Variants in ZSWIM7 observed in about 807,000 individuals in gnomAD.
ZSWIM7 encodes zinc finger SWIM domain-containing protein 7.
ZSWIM7 carries 22 observed loss-of-function variants against 21.1 expected under a neutral mutation model. That is an observed-to-expected ratio of 1.04 (90% confidence interval 0.74 to 1.49). ZSWIM7 has a LOEUF of 1.49. Among genes scored for constraint, ZSWIM7 ranks in the 40% most tolerant of loss-of-function variants. The pLI, the probability that ZSWIM7 is intolerant of heterozygous loss-of-function variation, is 0.00. For synonymous variants in ZSWIM7, 67 were observed against 66.5 expected (o/e 1.01, Z -0.04); for missense variants, 193 against 168.0 (o/e 1.15, Z -0.82).
At chr17:15,980,550 A>T (rs1970343932) in intron 4 of ZSWIM7, among the ~76,000 whole-genome samples, 1 of 152,148 alleles carries the variant, frequency 6.6e-6, no homozygotes, top group African/African-American at 2.4e-5. Context: ...GGTGTGTGTG[A>T]GTATGTCCTG....
intron 2 of ZSWIM7, among the ~76,000 whole-genome samples, chr17:15,992,457 G>A (rs1190491069): frequency 3.5e-5 from 1 of 28,426 alleles, no homozygotes; most frequent in African/African-American, 1.9e-4. Flanking sequence ...TTTTTTTTTT[G>A]AGATAGAGTT....
intron 4 of ZSWIM7, among the ~76,000 whole-genome samples, chr17:15,979,590 C>T (rs1342829441): frequency 6.6e-6 from 1 of 150,754 alleles, no homozygotes; most frequent in Non-Finnish European, 1.5e-5. Context: ...CCTCACCTCC[C>T]GGACGAGGCG....
At position 15,991,933 on chromosome 17, in the gene ZSWIM7, GTTTTT is replaced by G. The variant is rs1337184322; in HGVS notation, c.98+1819_98+1823del. On this transcript the variant is annotated intron_variant, in intron 2 of 4. Transcript: ENST00000399277. ...TTTTTTGTTTGTTTTGTTTTGTTTT[GTTTTT>G]TTTTTGAGACAGAGTCTTGCCTCTG... 7.3e-3 allele frequency among the ~76,000 whole-genome samples: 998 copies of G among 137,164 alleles called. 18 individuals are homozygous for G. The highest frequency in any genetic ancestry group is 0.029 in the African/African-American group (961 of 33,714). 90.0% of individuals were successfully genotyped at this position (137,164 alleles called of 152,430 possible).
At chr17:15,992,240 G>A (rs921773309) in intron 2 of ZSWIM7, among the ~76,000 whole-genome samples, 1 of 151,952 alleles carries the variant, frequency 6.6e-6, no homozygotes, top group Non-Finnish European at 1.5e-5. Flanking sequence ...ATTTTTAAAT[G>A]TAAGTGTGTA....
chr17:15,990,083 G>T (rs951451765), intron 2 of ZSWIM7, among the ~76,000 whole-genome samples: 2 of 152,004 alleles, frequency 1.3e-5, no homozygotes, highest in South Asian at 4.2e-4. Flanking sequence ...AGCTGGGCAC[G>T]GTAGCAGGCA....
chr17:15,998,533 T>C (rs2151635522), intron 1 of ZSWIM7, among the ~76,000 whole-genome samples: 1 of 152,328 alleles, frequency 6.6e-6, no homozygotes, highest in South Asian at 2.1e-4. Flanking sequence ...TTTTACATCC[T>C]AAGAGTAGTT....
At chr17:15,999,202 CG>C (rs898911876) in intron 1 of ZSWIM7, among the ~76,000 whole-genome samples, 24 of 152,218 alleles carry the variant, frequency 1.6e-4, no homozygotes, top group Non-Finnish European at 2.9e-4. Flanking sequence ...CTTCCACCCC[CG>C]GGCGGGGACC....
chr17:15,981,674 C>T lies in ZSWIM7; in HGVS notation c.202-530G>A, dbSNP rs149325916. On this transcript the variant is annotated intron_variant, in intron 3 of 4. Transcript: ENST00000399277. ...CTGTAATCCCAGCACTTTGGGAGGT[C>T]GAGGTGGGAGGATCACTTGACCCCC... is the stretch of plus-strand genomic sequence containing the variant. Among the ~76,000 whole-genome samples, 707 of 151,932 alleles carry T rather than the reference C, an allele frequency of 4.7e-3. 5 individuals carry two copies. Among genetic ancestry groups the T allele is most frequent in the African/African-American group, 0.017 (687 of 41,436 alleles).
intron 2 of ZSWIM7, among the ~76,000 whole-genome samples, chr17:15,992,739 A>G (rs536191323): frequency 9.6e-4 from 146 of 152,258 alleles, no homozygotes; most frequent in Non-Finnish European, 1.4e-3. Flanking sequence ...GCGCCCGGCC[A>G]ACAGCCACAA....
rs538910166 is a variant in ZSWIM7 at position 15,985,346 on chromosome 17, G to A, written c.201+1920C>T. Among the ~76,000 whole-genome samples, 51 of 151,662 alleles carry A rather than the reference G, an allele frequency of 3.4e-4. 1 individual carries two copies. Among genetic ancestry groups the A allele is most frequent in the African/African-American group, 1.1e-3 (44 of 41,408 alleles). The stretch of plus-strand genomic sequence containing the variant: ...ATTATAGAAAACAACTCAGGTGTCA[G>A]CAACATAACAATGACTTTAGAATTA... On this transcript the variant is annotated intron_variant, in intron 3 of 4. Transcript: ENST00000399277.
At position 15,978,174 on chromosome 17, in the gene ZSWIM7, A is replaced by G; in HGVS notation, c.307-11T>C. On this transcript the variant is annotated splice_polypyrimidine_tract_variant and intron_variant, in intron 4 of 4. Coordinates refer to ENST00000399277, the MANE Select transcript of ZSWIM7 (RefSeq NM_001042697.2). ...CAAGAGATGCTTGCACTGGAATATA[A>G]AACACACACACCTATTAGAAACAGG... 6.3e-7 allele frequency: 1 copy of G among 1,599,848 alleles called. No individual in the cohort carries two copies.
chr17:15,978,299 TC>T (rs1385339707), intron 4 of ZSWIM7, 136 bp from the exon 5 acceptor site: 54 of 677,762 alleles, frequency 8.0e-5, no homozygotes, highest in Admixed American at 1.3e-4. Context: ...TAACTGATTG[TC>T]TAAAAAGTGC....
chr17:15,983,137 G>A (rs958181032), intron 3 of ZSWIM7, among the ~76,000 whole-genome samples: 5 of 151,762 alleles, frequency 3.3e-5, no homozygotes, highest in Admixed American at 2.0e-4. Context: ...ATGAGGTCAG[G>A]AGTTCAAGAC....
At chr17:15,993,630 TGCTGGGATTATAG>T in intron 2 of ZSWIM7, 114 bp downstream of exon 2, 1 of 696,938 alleles carries the variant, frequency 1.4e-6, no homozygotes, top group Non-Finnish European at 2.4e-6. Flanking sequence ...CCTCCCAAAG[TGCTGGGATTATAG>T]GCGTGAGCCA....
At chr17:15,981,756 A>G (rs1280736731) in intron 3 of ZSWIM7, among the ~76,000 whole-genome samples, 3 of 152,156 alleles carry the variant, frequency 2.0e-5, no homozygotes, top group Non-Finnish European at 4.4e-5. Context: ...TATAGAAAAA[A>G]AAATTTTTTT....
chr17:15,982,328 A>G (rs1411346073), intron 3 of ZSWIM7, among the ~76,000 whole-genome samples: 1 of 152,178 alleles, frequency 6.6e-6, no homozygotes, highest in Non-Finnish European at 1.5e-5. Flanking sequence ...GCGTAAGATT[A>G]TTATTAGTAT....
intron 4 of ZSWIM7, among the ~76,000 whole-genome samples, chr17:15,978,945 CTCTT>C (rs957374681): frequency 6.6e-4 from 97 of 146,350 alleles, no homozygotes; most frequent in African/African-American, 2.1e-3. Context: ...AGGCTACTCT[CTCTT>C]TTTTTTTTTT....
intron 1 of ZSWIM7, among the ~76,000 whole-genome samples, chr17:15,997,635 T>G (rs1372138144): frequency 1.3e-5 from 2 of 152,168 alleles, no homozygotes; most frequent in Non-Finnish European, 2.9e-5. Context: ...GAAGGGTGCA[T>G]AACTATATAT....
intron 2 of ZSWIM7, among the ~76,000 whole-genome samples, chr17:15,989,622 TG>T (rs1970456970): frequency 6.6e-6 from 1 of 151,974 alleles, no homozygotes; most frequent in Non-Finnish European, 1.5e-5. Flanking sequence ...CTGGCCTTTT[TG>T]TTTGTTTGTT....
Sources: gnomAD v4.1 joint callset for allele counts (sites outside exome capture counted in the v4.1 genomes callset) on GRCh38, gnomAD v4.1.1 for gene constraint, MANE v1.5 for transcripts, NCBI Gene and HGNC (gene_info 2026-07-23, HGNC 2026-07-21) for gene names.